KCNIP4: variants seen among roughly 807,000 people sequenced by gnomAD.
KCNIP4 encodes Kv channel-interacting protein 4.
KCNIP4 carries 12 observed loss-of-function variants against 34.0 expected under a neutral mutation model. The ratio of observed to expected loss-of-function variants is 0.35; its 90% CI spans 0.23 to 0.57. The LOEUF is 0.57. Among genes scored for constraint, KCNIP4 ranks in the 20% least tolerant of loss-of-function variants. The probability of loss-of-function intolerance (pLI) is 0.83; values close to 1 mark genes in which losing one functional copy is unlikely to be tolerated. For missense variants in KCNIP4, 238 were observed against 311.7 expected (o/e 0.76, Z 1.78); for synonymous variants, 124 against 102.2 (o/e 1.21, Z -1.29).
intron 1 of KCNIP4, among the ~76,000 whole-genome samples, chr4:21,215,826 GT>G (rs1757536928): frequency 6.6e-6 from 1 of 152,148 alleles, no homozygotes; most frequent in South Asian, 2.1e-4. Context: ...TTGTTTGTTT[GT>G]TTGTTTTGAG....
At chr4:21,311,616 G>T (rs188572346) in intron 1 of KCNIP4, among the ~76,000 whole-genome samples, 1 of 150,222 alleles carries the variant, frequency 6.7e-6, no homozygotes. Context: ...TTGAACCCAG[G>T]AGATGGAGGT....
intron 3 of KCNIP4, among the ~76,000 whole-genome samples, chr4:20,785,135 T>C (rs1711785203): frequency 6.6e-6 from 1 of 151,990 alleles, no homozygotes; most frequent in South Asian, 2.1e-4. Context: ...TAGCCAAGCA[T>C]CCCACATCAA....
chr4:21,430,312 T>C (rs959106725), intron 1 of KCNIP4, among the ~76,000 whole-genome samples: 5 of 151,922 alleles, frequency 3.3e-5, no homozygotes, highest in African/African-American at 1.2e-4. Context: ...CTTTTACAAA[T>C]TACTTTCCTT....
chr4:20,914,686 G>A (rs1190505393), intron 1 of KCNIP4, among the ~76,000 whole-genome samples: 1 of 152,050 alleles, frequency 6.6e-6, no homozygotes, highest in Non-Finnish European at 1.5e-5. Context: ...CTGGTCCCAG[G>A]GTCTAATTGA....
At chr4:21,426,373 T>C (rs969679836) in intron 1 of KCNIP4, among the ~76,000 whole-genome samples, 2 of 152,216 alleles carry the variant, frequency 1.3e-5, no homozygotes, top group African/African-American at 4.8e-5. Flanking sequence ...AATTGAATCG[T>C]ATACTTAAAA....
intron 1 of KCNIP4, among the ~76,000 whole-genome samples, chr4:21,533,827 A>G (rs1413236152): frequency 8.5e-5 from 13 of 152,326 alleles, no homozygotes; most frequent in Admixed American, 8.5e-4. Context: ...CAAGAAAGTA[A>G]AAAGATTCAT....
At chr4:21,346,909 A>G (rs1717490091) in intron 1 of KCNIP4, among the ~76,000 whole-genome samples, 2 of 152,180 alleles carry the variant, frequency 1.3e-5, no homozygotes, top group Non-Finnish European at 2.9e-5. Flanking sequence ...CAAACCACCA[A>G]ATCAACATGA....
At chr4:21,816,873 CA>C (rs1722020808) in intron 1 of KCNIP4, among the ~76,000 whole-genome samples, 1 of 152,172 alleles carries the variant, frequency 6.6e-6, no homozygotes, top group Admixed American at 6.5e-5. Flanking sequence ...TGACCTTGAG[CA>C]ATGTGCTTGA....
rs552868496 is a variant in KCNIP4, at chr4:21,606,719, G to A, written c.61+341852C>T. 2.2e-3 allele frequency among the ~76,000 whole-genome samples: 329 copies of A among 152,174 alleles called. 1 individual carries two copies. Among genetic ancestry groups the A allele is most frequent in the African/African-American group, 7.0e-3 (291 of 41,524 alleles). On this transcript the variant is annotated intron_variant, in intron 1 of 8. Transcript: ENST00000382152. ...ATCGATTCTCCTGCCTCAGCCTCCC[G>A]AGTAGCTGGGATAACAGGAGCGCAT...
At chr4:21,028,475 T>C (rs1740736646) in intron 1 of KCNIP4, among the ~76,000 whole-genome samples, 1 of 152,174 alleles carries the variant, frequency 6.6e-6, no homozygotes, top group Non-Finnish European at 1.5e-5. Flanking sequence ...CTCTAAATCA[T>C]AGAGTCTCCT....
intron 1 of KCNIP4, among the ~76,000 whole-genome samples, chr4:21,630,768 G>T (rs1560576540): frequency 6.6e-6 from 1 of 152,110 alleles, no homozygotes; most frequent in South Asian, 2.1e-4. Flanking sequence ...ATGAACAGTT[G>T]TTTCCTTAAT....
At chr4:21,593,811 T>C (rs1370914619) in intron 1 of KCNIP4, among the ~76,000 whole-genome samples, 1 of 152,134 alleles carries the variant, frequency 6.6e-6, no homozygotes, top group African/African-American at 2.4e-5. Context: ...TCTAGTTCCA[T>C]AGCAGCATTA....
intron 3 of KCNIP4, among the ~76,000 whole-genome samples, chr4:20,821,446 G>A (rs1276622971): frequency 2.0e-5 from 3 of 152,070 alleles, no homozygotes; most frequent in Admixed American, 6.6e-5. Flanking sequence ...ATCCATATCC[G>A]AGTTAGATCA....
chr4:21,736,270 C>T (rs1003067588), intron 1 of KCNIP4, among the ~76,000 whole-genome samples: 3 of 152,092 alleles, frequency 2.0e-5, no homozygotes, highest in African/African-American at 7.2e-5. Flanking sequence ...CTCAATTCAC[C>T]TCCCTATTAA....
At chr4:21,179,326 A>AGATC (rs1754673321) in intron 1 of KCNIP4, among the ~76,000 whole-genome samples, 1 of 152,174 alleles carries the variant, frequency 6.6e-6, no homozygotes, top group Non-Finnish European at 1.5e-5. Flanking sequence ...TCAAACATTG[A>AGATC]GATCATAGTA....
chr4:21,824,946 G>C (rs1465524539), intron 1 of KCNIP4, among the ~76,000 whole-genome samples: 8 of 152,076 alleles, frequency 5.3e-5, no homozygotes, highest in Non-Finnish European at 1.2e-4. Flanking sequence ...CTATAATATT[G>C]CAATAAGGCA....
intron 1 of KCNIP4, among the ~76,000 whole-genome samples, chr4:21,566,164 C>A (rs1467786684): frequency 5.3e-5 from 8 of 152,074 alleles, no homozygotes; most frequent in East Asian, 3.9e-4. Context: ...CAGGGCGGAG[C>A]CGAAAGTATT....
chr4:20,990,368 T>C (rs1363696711), intron 1 of KCNIP4, among the ~76,000 whole-genome samples: 2 of 152,210 alleles, frequency 1.3e-5, no homozygotes, highest in Non-Finnish European at 2.9e-5. Flanking sequence ...TTAGTAAATG[T>C]GTCTTGAATG....
chr4:21,131,572 T>C (rs1751076280), intron 1 of KCNIP4, among the ~76,000 whole-genome samples: 1 of 152,060 alleles, frequency 6.6e-6, no homozygotes, highest in African/African-American at 2.4e-5. Context: ...ATTGCACCAC[T>C]GCACTCCAGC....
Sources: gnomAD v4.1 joint callset for allele counts (sites outside exome capture counted in the v4.1 genomes callset) on GRCh38, gnomAD v4.1.1 for gene constraint, MANE v1.5 for transcripts, NCBI Gene and HGNC (gene_info 2026-07-23, HGNC 2026-07-21) for gene names.